Variants in CCL18 observed in about 807,000 individuals in gnomAD.
CCL18 encodes the protein C-C motif chemokine 18.
In CCL18, 7 loss-of-function variants were observed where a neutral mutation model predicts 8.0. That is an observed-to-expected ratio of 0.87 (90% CI 0.50 to 1.64). The LOEUF is 1.64. CCL18 is among the 40% of genes most tolerant of loss of function. CCL18 has a pLI of 0.00. For missense variants in CCL18, 95 were observed against 107.8 expected, an observed-to-expected ratio of 0.88 and a Z score of 0.52; for synonymous variants, 35 against 41.3, an observed-to-expected ratio of 0.85 and a Z score of 0.59.
At chr17:36,065,040 G>A (rs2066830005) in intron 1 of CCL18, among the ~76,000 whole-genome samples, 1 of 152,126 alleles carries the variant, frequency 6.6e-6, no homozygotes, top group Non-Finnish European at 1.5e-5. Flanking sequence ...AGCAACTCCT[G>A]TTGTCTTTGT....
intron 1 of CCL18, among the ~76,000 whole-genome samples, chr17:36,065,044 T>C (rs2066830055): frequency 6.6e-6 from 1 of 152,220 alleles, no homozygotes. Context: ...ACTCCTGTTG[T>C]CTTTGTTCCC....
chr17:36,070,617 G>T, intron 2 of CCL18, 59 bp downstream of exon 2: 1 of 1,071,878 alleles, frequency 9.3e-7, no homozygotes, highest in Non-Finnish European at 1.5e-6. Flanking sequence ...TTGGGGTGAG[G>T]TCCCCTCAGA....
chr17:36,064,570 A>G (rs1417543911), intron 1 of CCL18, among the ~76,000 whole-genome samples, 161 bp downstream of exon 1: 4 of 152,230 alleles, frequency 2.6e-5, no homozygotes, highest in Admixed American at 6.5e-5. Flanking sequence ...AAAGCAGTCT[A>G]TTGATCTGGG....
At position 36,071,787 on chromosome 17, in the gene CCL18, T is replaced by C. The variant is rs561277524; in HGVS notation, c.*746T>C. On this transcript the variant is annotated 3_prime_UTR_variant, in exon 3 of 3. Coordinates refer to ENST00000616054, the MANE Select transcript of CCL18 (RefSeq NM_002988.4). The stretch of plus-strand genomic sequence containing the variant: ...ATAAATGAAGCTTTCCTCAGAATGA[T>C]GGCTAACATCTGTTGAGGTCTTACC... The C allele has an allele frequency of 1.3e-5, 2 of 152,358 alleles. No individual in the cohort carries two copies. Among genetic ancestry groups the C allele is most frequent in the Admixed American group, 1.3e-4 (2 of 15,300 alleles). 9.4% of individuals were successfully genotyped at this position (152,358 alleles called of 1,614,324 possible). A position where few individuals can be genotyped will look rare whatever the true frequency, so the allele number is the denominator to read the frequency against.
intron 1 of CCL18, among the ~76,000 whole-genome samples, chr17:36,066,116 A>T (rs1437641032): frequency 6.6e-6 from 1 of 152,230 alleles, no homozygotes; most frequent in Non-Finnish European, 1.5e-5. Context: ...TAGGTTAGAT[A>T]TCTAAGTCCT....
chr17:36,066,989 T>C (rs1206224605), intron 1 of CCL18, among the ~76,000 whole-genome samples: 1 of 152,244 alleles, frequency 6.6e-6, no homozygotes, highest in African/African-American at 2.4e-5. Context: ...TTTCCTCCTA[T>C]GGAACAGATA....
At chr17:36,070,238 G>T in intron 1 of CCL18, 1 of 540,446 alleles carries the variant, frequency 1.9e-6, no homozygotes, top group Non-Finnish European at 3.3e-6. Context: ...GACAGCCAGA[G>T]AATGAGAAAC....
At chr17:36,068,810 C>G (rs1280823331) in intron 1 of CCL18, among the ~76,000 whole-genome samples, 1 of 152,152 alleles carries the variant, frequency 6.6e-6, no homozygotes, top group East Asian at 1.9e-4. Context: ...GATGACACAA[C>G]TGAGCTGTTA....
chr17:36,070,660 G>C lies in CCL18; in HGVS notation c.179+102G>C. 1.2e-5 allele frequency: 9 copies of C among 733,362 alleles called. No individual in the cohort carries two copies. In the South Asian group the frequency reaches 1.3e-4, roughly 11 times the overall value. 45.4% of individuals were successfully genotyped at this position (733,362 alleles called of 1,614,324 possible). On this transcript the variant is annotated intron_variant, in intron 2 of 2. Transcript: ENST00000616054. ...GCTCTCTAAGGCCCATCAAGGTAAA[G>C]GACTCCAGGGGAGGCCCCTGCAGTG...
intron 1 of CCL18, among the ~76,000 whole-genome samples, chr17:36,066,504 A>G (rs570283705): frequency 1.3e-5 from 2 of 152,294 alleles, no homozygotes; most frequent in African/African-American, 2.4e-5. Flanking sequence ...GGATGACCAG[A>G]GGGGAAGATG....
rs771433218 is a variant in CCL18, at chr17:36,070,548, C to A, written c.169C>A (p.Pro57Thr). The change falls in exon 2 of 3, where the codon CCA (proline) becomes ACA (threonine). Residue 57 changes from proline to threonine, a missense_variant. Coordinates refer to ENST00000616054, the MANE Select transcript of CCL18 (RefSeq NM_002988.4). Reference sequence around the variant, plus strand: ...TGAAACCAGCCCCCAGTGCCCCAAGCCAGGTGTCATGTAAGTGCCAGTGCT... The same window carrying A: ...TGAAACCAGCCCCCAGTGCCCCAAGACAGGTGTCATGTAAGTGCCAGTGCT... ...YSETSPQCPK[P>T]GVILLTKRGR... The A allele has an allele frequency of 8.1e-6, 13 of 1,607,474 alleles. No homozygotes were observed. In the Admixed American group the frequency reaches 1.3e-4, roughly 16 times the overall value.
Position 36,071,700 on chromosome 17 carries a change from TCTACTTAAATGA to T in CCL18, c.*660_*671del, listed in dbSNP as rs1490227107. The T allele has an allele frequency of 6.6e-6, 1 of 152,268 alleles. No individual in the cohort carries two copies. Among genetic ancestry groups the T allele is most frequent in the African/African-American group, 2.4e-5 (1 of 41,462 alleles). 9.4% of individuals were successfully genotyped at this position (152,268 alleles called of 1,614,324 possible). ...TAACTGAAATGTGATAGAAAAATTT[TCTACTTAAATGA>T]ATATCAAGATGACGCTGCAATGCAT... On this transcript the variant is annotated 3_prime_UTR_variant, in exon 3 of 3. Coordinates refer to ENST00000616054, the MANE Select transcript of CCL18 (RefSeq NM_002988.4).
rs397857006 is a variant in CCL18, at chr17:36,068,329, T to TA, written c.68-2107dup. ...GAAAGAAATATACCAAACTGTTTTT[T>TA]AAAAAAAAAAAGTGGCTAGGTTTGG... is the stretch of plus-strand genomic sequence containing the variant. On this transcript the variant is annotated intron_variant, in intron 1 of 2. Transcript: ENST00000616054. 8.2e-3 allele frequency among the ~76,000 whole-genome samples: 1,206 copies of TA among 146,850 alleles called. 10 individuals carry two copies. The highest frequency in any genetic ancestry group is 0.034 in the East Asian group (176 of 5,102).
In CCL18 at chr17:36,064,277, G is replaced by A; in HGVS notation, c.-66G>A. On this transcript the variant is annotated 5_prime_UTR_variant, in exon 1 of 3. Coordinates refer to ENST00000616054, the MANE Select transcript of CCL18 (RefSeq NM_002988.4). ...GAGACAACAGCTCATACCCCAGAAG[G>A]AGGCCAGGAGTTGTGAGTTTCCAAG... The A allele has an allele frequency of 7.5e-6, 9 of 1,200,780 alleles. No homozygotes were observed. The highest frequency in any genetic ancestry group is 1.1e-5 in the Non-Finnish European group (9 of 802,584). The allele number at this position is 1,200,780 out of a possible 1,614,324, so 74.4% of individuals were successfully genotyped here.
intron 1 of CCL18, among the ~76,000 whole-genome samples, chr17:36,069,546 G>A (rs1312161894): frequency 6.6e-6 from 1 of 152,188 alleles, no homozygotes; most frequent in Admixed American, 6.5e-5. Context: ...GTTTACCTAT[G>A]TAACAAGTCT....
Position 36,071,037 on chromosome 17 carries a change from C to T in CCL18, c.266C>T (p.Ala89Val), listed in dbSNP as rs2066863268. Residue 89 changes from alanine (A) to valine (V), a missense_variant, in exon 3 of 3, where the codon GCC becomes GTC. Coordinates refer to ENST00000616054, the MANE Select transcript of CCL18 (RefSeq NM_002988.4). Reference protein sequence around the residue: ...QKYISDLKLNA With the variant: ...QKYISDLKLNV Reference sequence around the variant, plus strand: ...TACATCAGCGACCTGAAGCTGAATGCCTGAGGGGCCTGGAAGCTGCGAGGG... The same window carrying T: ...TACATCAGCGACCTGAAGCTGAATGTCTGAGGGGCCTGGAAGCTGCGAGGG... 2 of 1,609,494 alleles carry T rather than the reference C, an allele frequency of 1.2e-6. No individual in the cohort carries two copies. The highest frequency in any genetic ancestry group is 1.1e-5 in the South Asian group (1 of 90,990).
intron 1 of CCL18, among the ~76,000 whole-genome samples, chr17:36,069,483 G>A (rs1199076501): frequency 6.6e-6 from 1 of 152,106 alleles, no homozygotes; most frequent in South Asian, 2.1e-4. Flanking sequence ...ATGGGTACTA[G>A]GCTTAATATC....
intron 1 of CCL18, among the ~76,000 whole-genome samples, chr17:36,066,162 G>T (rs1598791138): frequency 6.6e-6 from 1 of 152,182 alleles, no homozygotes; most frequent in Admixed American, 6.5e-5. Flanking sequence ...AACCTTTTGT[G>T]AAGTTCTTTG....
At chr17:36,069,757 C>A (rs150847053) in intron 1 of CCL18, among the ~76,000 whole-genome samples, 1 of 152,310 alleles carries the variant, frequency 6.6e-6, no homozygotes, top group African/African-American at 2.4e-5. Context: ...CTCTGCCCAG[C>A]ATCCTGGGGA....
Sources: gnomAD v4.1 joint callset for allele counts (sites outside exome capture counted in the v4.1 genomes callset) on GRCh38, gnomAD v4.1.1 for gene constraint, MANE v1.5 for transcripts, NCBI Gene and HGNC (gene_info 2026-07-23, HGNC 2026-07-21) for gene names.